PCDHGA1: variants seen among roughly 807,000 people sequenced by gnomAD.
The protein encoded by PCDHGA1 is protocadherin gamma subfamily A, 1.
Under a neutral mutation model 58.0 loss-of-function variants are expected in PCDHGA1, and 32 were observed. That is an observed-to-expected ratio of 0.55 (90% CI 0.42 to 0.74). The LOEUF (loss-of-function observed/expected upper bound fraction) is 0.74. PCDHGA1 is among the 30% of genes least tolerant of loss of function. The pLI is 0.00. For missense variants in PCDHGA1, 1,205 were observed against 1,182.3 expected, an observed-to-expected ratio of 1.02 and a Z score of -0.28; for synonymous variants, 498 against 501.1, an observed-to-expected ratio of 0.99 and a Z score of 0.08.
chr5:141,409,938 C>T (rs754052398), intron 1 of PCDHGA1: 114 of 1,613,200 alleles, frequency 7.1e-5, no homozygotes, highest in Admixed American at 4.3e-4. Flanking sequence ...GATATGGTAC[C>T]TCGCTCTGCA....
Position 141,489,173 on chromosome 5 carries a change from C to T in PCDHGA1, c.2422-5634C>T. 8.3e-7 allele frequency: 1 copy of T among 1,208,434 alleles called. No individual in the cohort carries two copies. Among genetic ancestry groups the T allele is most frequent in the Non-Finnish European group, 1.2e-6 (1 of 860,944 alleles). The allele number at this position is 1,208,434 out of a possible 1,614,324, so 74.9% of individuals were successfully genotyped here. ...CATAAGAGACTTCAGCTGCTGCATTCCAAGCCCTGGGTCTACCTTGGAGAC... is the reference window on the plus strand; with the variant it reads ...CATAAGAGACTTCAGCTGCTGCATTTCAAGCCCTGGGTCTACCTTGGAGAC... On this transcript the variant is annotated intron_variant, in intron 1 of 3. Coordinates refer to ENST00000517417, the MANE Select transcript of PCDHGA1 (RefSeq NM_018912.3). The surrounding 1 kb of genome is among the most constrained non-coding windows in gnomAD (Gnocchi z 4.5).
chr5:141,380,542 T>A lies in PCDHGA1; in HGVS notation c.2421+47437T>A, dbSNP rs182715146. 2.0e-5 allele frequency among the ~76,000 whole-genome samples: 3 copies of A among 152,362 alleles called. No individual in the cohort carries two copies. The East Asian group carries it at 5.8e-4, about 29-fold the overall frequency. On this transcript the variant is annotated intron_variant, in intron 1 of 3. Transcript: ENST00000517417. ...ATGAAATGATTTCAATTTGATACAA[T>A]GAGCTTATGTTAGATTTTATTAAAC...
chr5:141,348,069 C>T (rs1333881100), intron 1 of PCDHGA1, among the ~76,000 whole-genome samples: 1 of 152,190 alleles, frequency 6.6e-6, no homozygotes, highest in Non-Finnish European at 1.5e-5. Flanking sequence ...TCATGTTCTA[C>T]AACTTTCTTG....
chr5:141,464,583 C>T (rs768431243), intron 1 of PCDHGA1, among the ~76,000 whole-genome samples: 6 of 152,024 alleles, frequency 3.9e-5, no homozygotes, highest in Admixed American at 2.0e-4. Context: ...TGAGAATGTC[C>T]ATTGTCCCAT....
intron 1 of PCDHGA1, chr5:141,366,681 G>T (rs1190460082): frequency 1.2e-6 from 2 of 1,614,160 alleles, no homozygotes; most frequent in Non-Finnish European, 1.7e-6. Context: ...AGTGAAGAGA[G>T]CTGTGAGAAA....
intron 1 of PCDHGA1, chr5:141,419,070 T>G: frequency 6.2e-7 from 1 of 1,613,926 alleles, no homozygotes; most frequent in Non-Finnish European, 8.5e-7. Context: ...TACTACAAGC[T>G]AGTAACAGAT....
chr5:141,352,815 C>T, intron 1 of PCDHGA1: 2 of 818,646 alleles, frequency 2.4e-6, no homozygotes, highest in East Asian at 2.7e-5. Flanking sequence ...GATGGTAAAA[C>T]CCGGTCTACT....
chr5:141,361,413 CG>C (rs1007927822), intron 1 of PCDHGA1: 3 of 1,613,902 alleles, frequency 1.9e-6, no homozygotes, highest in South Asian at 2.2e-5. Context: ...CAGCCACCGA[CG>C]GGGGCAAGCC....
At position 141,415,393 on chromosome 5, in the gene PCDHGA1, T is replaced by C. The variant is rs574028530; in HGVS notation, c.2422-79414T>C. On this transcript the variant is annotated intron_variant, in intron 1 of 3. Transcript: ENST00000517417. ...TTCAGGAGGCGGCTTGACAGGTGTG[T>C]CCGGCTCGCACTTTGTGGGCGTGGA... 1.1e-5 allele frequency: 17 copies of C among 1,614,190 alleles called. No individual in the cohort carries two copies. In the East Asian group the frequency reaches 2.5e-4, roughly 23 times the overall value.
chr5:141,449,588 CAA>C (rs768743917), intron 1 of PCDHGA1, among the ~76,000 whole-genome samples: 5 of 57,502 alleles, frequency 8.7e-5, no homozygotes, highest in Admixed American at 1.8e-4. Flanking sequence ...GACTCTGTCT[CAA>C]AAAAAAAAAA....
Position 141,490,835 on chromosome 5 carries a change from T to C in PCDHGA1, c.2422-3972T>C, listed in dbSNP as rs1284804400. 4 of 1,613,728 alleles carry C rather than the reference T, an allele frequency of 2.5e-6. No individual in the cohort carries two copies. The highest frequency in any genetic ancestry group is 1.1e-5 in the South Asian group (1 of 91,076). On this transcript the variant is annotated intron_variant, in intron 1 of 3. Transcript: ENST00000517417. This position sits in a 1 kb window ranked among gnomAD's most constrained non-coding sequence, Gnocchi z 5.4. ...TATGAATTGCTGCAGATGCTGCAGATTGTGGTGGGGGTTCGAGACTCCGGC... is the reference window on the plus strand; with the variant it reads ...TATGAATTGCTGCAGATGCTGCAGACTGTGGTGGGGGTTCGAGACTCCGGC...
intron 1 of PCDHGA1, among the ~76,000 whole-genome samples, chr5:141,364,048 G>C (rs1027287305): frequency 6.6e-6 from 1 of 152,188 alleles, no homozygotes; most frequent in African/African-American, 2.4e-5. Context: ...AACATTATTA[G>C]AAATAAAATT....
At chr5:141,384,990 G>A in intron 1 of PCDHGA1, 1 of 1,614,140 alleles carries the variant, frequency 6.2e-7, no homozygotes, top group Non-Finnish European at 8.5e-7. Context: ...TGGTGGCGGT[G>A]GCCACAGTCT....
At chr5:141,426,453 G>A (rs902416171) in intron 1 of PCDHGA1, 4 of 310,612 alleles carry the variant, frequency 1.3e-5, no homozygotes, top group African/African-American at 8.6e-5. Flanking sequence ...ACATGCGGCT[G>A]CATGTTCAGG....
At chr5:141,406,859 TC>T (rs1171504234) in intron 1 of PCDHGA1, among the ~76,000 whole-genome samples, 1 of 152,252 alleles carries the variant, frequency 6.6e-6, no homozygotes, top group African/African-American at 2.4e-5. Flanking sequence ...AAGAAAATAT[TC>T]TCAGGAACTG....
chr5:141,388,161 G>A (rs2150354529), intron 1 of PCDHGA1: 4 of 1,475,088 alleles, frequency 2.7e-6, no homozygotes, highest in South Asian at 1.2e-5. Flanking sequence ...GCTAGACAGG[G>A]AGGAGATATG....
chr5:141,364,317 G>A (rs1467973358), intron 1 of PCDHGA1: 2 of 1,524,768 alleles, frequency 1.3e-6, no homozygotes, highest in Non-Finnish European at 8.8e-7. Context: ...AGAAAATTGG[G>A]CAGAGAGAAG....
intron 1 of PCDHGA1, chr5:141,400,386 A>G (rs766907172): frequency 5.0e-6 from 8 of 1,614,040 alleles, no homozygotes; most frequent in Non-Finnish European, 5.1e-6. Context: ...TATGTGTTGC[A>G]CATACAGGAA....
chr5:141,419,072 G>C (rs17208397), intron 1 of PCDHGA1: 242,774 of 1,613,756 alleles, frequency 0.15, 19,855 homozygotes, highest in Non-Finnish European at 0.17. Context: ...CTACAAGCTA[G>C]TAACAGATGA....
Sources: gnomAD v4.1 joint callset for allele counts (sites outside exome capture counted in the v4.1 genomes callset) on GRCh38, gnomAD v4.1.1 for gene constraint, Gnocchi (gnomAD v3.1) non-coding constraint, MANE v1.5 for transcripts, NCBI Gene and HGNC (gene_info 2026-07-23, HGNC 2026-07-21) for gene names.